The following TTC6 variants were observed in gnomAD, a reference collection of about 807,000 sequenced individuals.
The protein encoded by TTC6 is tetratricopeptide repeat domain 6.
A neutral mutation model predicts 210.4 loss-of-function variants in TTC6; 172 were observed. The ratio of observed to expected loss-of-function variants is 0.82; its 90% CI spans 0.72 to 0.93. TTC6 has a LOEUF of 0.93. TTC6 is among the 40% of genes least tolerant of loss of function. The probability of loss-of-function intolerance (pLI) is 0.00; values close to 1 mark genes in which losing one functional copy is unlikely to be tolerated. For synonymous variants in TTC6, 804 were observed against 819.6 expected (o/e 0.98, Z 0.32); for missense variants, 2,414 against 2,318.1 (o/e 1.04, Z -0.85).
chr14:37,726,592 T>C (rs891414641), intron 7 of TTC6, among the ~76,000 whole-genome samples: 8 of 152,166 alleles, frequency 5.3e-5, no homozygotes, highest in African/African-American at 1.9e-4. Context: ...TGTTGGACTT[T>C]GCTATCAGAG....
At chr14:37,617,895 T>C (rs2095645319), upstream of TTC6, among the ~76,000 whole-genome samples, 1 of 152,204 alleles carries the variant, frequency 6.6e-6, no homozygotes, top group Admixed American at 6.5e-5. Flanking sequence ...ACCCAAATCT[T>C]GTTCTTAAAA....
At chr14:37,652,439 G>A (rs910108918) in intron 1 of TTC6, among the ~76,000 whole-genome samples, 7 of 152,186 alleles carry the variant, frequency 4.6e-5, no homozygotes, top group African/African-American at 1.7e-4. Flanking sequence ...CAGAGAGAGA[G>A]AGACGGAAGA....
intron 3 of TTC6, among the ~76,000 whole-genome samples, chr14:37,689,453 A>G (rs932843290): frequency 2.6e-5 from 4 of 152,178 alleles, no homozygotes; most frequent in Non-Finnish European, 5.9e-5. Context: ...AGATATCACT[A>G]TCCAAGTACA....
chr14:37,785,209 A>C (rs139596435), intron 14 of TTC6, among the ~76,000 whole-genome samples: 195 of 152,274 alleles, frequency 1.3e-3, no homozygotes, highest in African/African-American at 4.5e-3. Flanking sequence ...TAATATCCTG[A>C]AGAGTGTTTT....
intron 12 of TTC6, 62 bp from the exon 15 acceptor site, chr14:37,750,991 T>C: frequency 1.0e-5 from 12 of 1,163,374 alleles, no homozygotes; most frequent in Non-Finnish European, 1.3e-5. Context: ...GGATTACTCT[T>C]AAAATTTTCA....
At chr14:37,814,514 A>G (rs1194518689) in intron 25 of TTC6, among the ~76,000 whole-genome samples, 1 of 152,202 alleles carries the variant, frequency 6.6e-6, no homozygotes, top group Admixed American at 6.5e-5. Flanking sequence ...AAATGATAAT[A>G]TAGAAGACCA....
chr14:37,622,469 G>T (rs1374645901), exon 1 of TTC6: 1 of 1,535,134 alleles, frequency 6.5e-7, no homozygotes, highest in Non-Finnish European at 8.7e-7. Flanking sequence ...CCCTGAAAAA[G>T]CCCCCAGTCA....
At chr14:37,754,970 G>A (rs1242998982) in intron 14 of TTC6, among the ~76,000 whole-genome samples, 1 of 152,084 alleles carries the variant, frequency 6.6e-6, no homozygotes, top group Non-Finnish European at 1.5e-5. Flanking sequence ...CTAGATCCTT[G>A]AGGAATTGCC....
At chr14:37,774,108 T>G (rs1377840718) in intron 14 of TTC6, among the ~76,000 whole-genome samples, 1 of 152,214 alleles carries the variant, frequency 6.6e-6, no homozygotes, top group African/African-American at 2.4e-5. Context: ...ATACATTGAT[T>G]TTGTATCCTG....
At position 37,732,680 on chromosome 14, in the gene TTC6, A is replaced by G. The variant is rs1043044516; in HGVS notation, c.1819-3241A>G. Among the ~76,000 whole-genome samples the G allele has an allele frequency of 2.4e-4, 36 of 151,392 alleles. 1 individual carries two copies. The highest frequency in any genetic ancestry group is 1.4e-3 in the East Asian group (7 of 5,054). On this transcript the variant is annotated intron_variant, in intron 7 of 30. Transcript: ENST00000553443. ...GTCGCCCAGGCTAGAGTGCAGTGGCACAATCTCGGCTCACTGCAAGCTCCG... is the reference window on the plus strand; with the variant it reads ...GTCGCCCAGGCTAGAGTGCAGTGGCGCAATCTCGGCTCACTGCAAGCTCCG...
intron 5 of TTC6, among the ~76,000 whole-genome samples, chr14:37,708,632 C>T (rs186890673): frequency 1.3e-5 from 2 of 152,042 alleles, no homozygotes; most frequent in Admixed American, 6.6e-5. Context: ...TTTTTAGGAC[C>T]AATTTGACCT....
At chr14:37,657,803 G>A (rs1473435519) in intron 1 of TTC6, among the ~76,000 whole-genome samples, 2 of 152,258 alleles carry the variant, frequency 1.3e-5, no homozygotes, top group African/African-American at 4.8e-5. Flanking sequence ...GAAACAGAGT[G>A]ATAAAATCAG....
chr14:37,651,409 ATATATATATATATATATTTTTTTTTTTT>A lies in TTC6; in HGVS notation c.939+28408_939+28435del, dbSNP rs1421773659. On this transcript the variant is annotated intron_variant, in intron 1 of 30. Coordinates refer to ENST00000553443, the Ensembl canonical transcript of TTC6. The stretch of plus-strand genomic sequence containing the variant: ...ATGTTATATATATATATATATATAT[ATATATATATATATATATTTTTTTTTTTT>A]TTTTTTTTTTTTTTTTCCATCCATG... Among the ~76,000 whole-genome samples the A allele has an allele frequency of 9.2e-3, 177 of 19,340 alleles. 1 individual carries two copies. The highest frequency in any genetic ancestry group is 0.035 in the South Asian group (16 of 460). 12.7% of individuals were successfully genotyped at this position (19,340 alleles called of 152,430 possible).
rs550022151 is a variant in TTC6, at chr14:37,758,371, G to A, written c.3266+5136G>A. Among the ~76,000 whole-genome samples the A allele has an allele frequency of 9.8e-5, 15 of 152,294 alleles. No homozygotes were observed. The East Asian group carries it at 2.7e-3, about 27-fold the overall frequency. On this transcript the variant is annotated intron_variant, in intron 14 of 30. Transcript: ENST00000553443. Reference sequence around the variant, plus strand: ...TTGTGAATCTGGGTTCTCCTGTATTGTATTGGGTGCATATATATTTAGGAT... The same window carrying A: ...TTGTGAATCTGGGTTCTCCTGTATTATATTGGGTGCATATATATTTAGGAT...
intron 1 of TTC6, among the ~76,000 whole-genome samples, chr14:37,666,911 A>T (rs994900927): frequency 6.7e-6 from 1 of 150,194 alleles, no homozygotes; most frequent in Admixed American, 6.6e-5. Flanking sequence ...ACTGAAAAAA[A>T]ATTTTATGAC....
At chr14:37,774,197 T>C (rs1356840933) in intron 14 of TTC6, among the ~76,000 whole-genome samples, 2 of 152,196 alleles carry the variant, frequency 1.3e-5, no homozygotes, top group Non-Finnish European at 2.9e-5. Flanking sequence ...TATAATCATA[T>C]CATCTGGAAA....
chr14:37,654,098 G>T (rs2095717640), intron 1 of TTC6, among the ~76,000 whole-genome samples: 2 of 151,574 alleles, frequency 1.3e-5, no homozygotes, highest in African/African-American at 4.9e-5. Context: ...GTTTGTTCAT[G>T]CCCAAATCTC....
In TTC6 at chr14:37,757,870, G is replaced by T. The variant is rs1000331679; in HGVS notation, c.3266+4635G>T. Among the ~76,000 whole-genome samples the T allele has an allele frequency of 6.4e-4, 97 of 152,110 alleles. 6 individuals carry two copies. Among genetic ancestry groups the T allele is most frequent in the Non-Finnish European group, 1.5e-5 (1 of 68,016 alleles). On this transcript the variant is annotated intron_variant, in intron 14 of 30. Coordinates refer to ENST00000553443, the Ensembl canonical transcript of TTC6. ...CTTTAGCTGTGTCCCAGAGATTCTG[G>T]TATGTTGCGTCTTTGTTCTTATTGC...
chr14:37,728,564 C>T, intron 7 of TTC6, among the ~76,000 whole-genome samples: 1 of 152,182 alleles, frequency 6.6e-6, no homozygotes, highest in East Asian at 1.9e-4. Context: ...GAATTCTACT[C>T]TAGTATGTCT....
Sources: allele counts gnomAD v4.1 joint callset (sites outside exome capture counted in the v4.1 genomes callset), GRCh38; gene constraint gnomAD v4.1.1; transcripts MANE v1.5; gene names NCBI Gene and HGNC (gene_info 2026-07-23, HGNC 2026-07-21).